PNLIPRP3: variants seen among roughly 807,000 people sequenced by gnomAD.
PNLIPRP3 encodes the protein pancreatic lipase related protein 3.
Under a neutral mutation model 52.8 loss-of-function variants are expected in PNLIPRP3, and 58 were observed. The observed-to-expected ratio is 1.10, with a 90% CI of 0.89 to 1.37. The LOEUF (loss-of-function observed/expected upper bound fraction) is 1.37. PNLIPRP3 is among the 40% of genes most tolerant of loss of function. The pLI is 0.00. For missense variants in PNLIPRP3, 593 were observed against 561.6 expected, an observed-to-expected ratio of 1.06 and a Z score of -0.57; for synonymous variants, 192 against 185.0, an observed-to-expected ratio of 1.04 and a Z score of -0.31.
At chr10:116,457,619 A>T (rs1732778607) in intron 5 of PNLIPRP3, among the ~76,000 whole-genome samples, 1 of 152,064 alleles carries the variant, frequency 6.6e-6, no homozygotes, top group African/African-American at 2.4e-5. Flanking sequence ...TTTTCACTGA[A>T]GTCATTATGT....
At chr10:116,441,850 G>C (rs1353135587) in intron 2 of PNLIPRP3, among the ~76,000 whole-genome samples, 1 of 152,102 alleles carries the variant, frequency 6.6e-6, no homozygotes, top group Non-Finnish European at 1.5e-5. Flanking sequence ...AGTTAAATGA[G>C]CTACTCTATA....
At chr10:116,429,364 T>C (rs1208889551) in intron 1 of PNLIPRP3, among the ~76,000 whole-genome samples, 1 of 152,194 alleles carries the variant, frequency 6.6e-6, no homozygotes, top group East Asian at 1.9e-4. Context: ...CCAAGCGTTT[T>C]GGATAAGGGA....
At chr10:116,447,806 G>A (rs535349414) in intron 4 of PNLIPRP3, among the ~76,000 whole-genome samples, 19 of 151,968 alleles carry the variant, frequency 1.3e-4, no homozygotes, top group South Asian at 2.1e-4. Context: ...TCATGGTGGC[G>A]CGCACCTGTA....
At chr10:116,459,171 T>C (rs1846155956) in intron 5 of PNLIPRP3, among the ~76,000 whole-genome samples, 1 of 152,076 alleles carries the variant, frequency 6.6e-6, no homozygotes, top group South Asian at 2.1e-4. Context: ...TTTCTTTTCT[T>C]TTGCCTTTGC....
At chr10:116,440,238 A>G (rs1276864352) in intron 2 of PNLIPRP3, among the ~76,000 whole-genome samples, 1 of 152,140 alleles carries the variant, frequency 6.6e-6, no homozygotes, top group Non-Finnish European at 1.5e-5. Context: ...ATCCTTTTAT[A>G]TAAGTGGCCA....
intron 3 of PNLIPRP3, among the ~76,000 whole-genome samples, chr10:116,444,165 C>A (rs906048711): frequency 7.9e-5 from 12 of 151,942 alleles, no homozygotes; most frequent in Non-Finnish European, 1.5e-4. Context: ...GGGGAAACCA[C>A]CCCCATGAAT....
rs941747503 is a variant in PNLIPRP3, at chr10:116,444,314, A to G, written c.325-68A>G. 7 of 1,332,016 alleles carry G rather than the reference A, an allele frequency of 5.3e-6. No individual in the cohort carries two copies. In the African/African-American group the frequency reaches 8.9e-5, roughly 17 times the overall value. 82.5% of individuals were successfully genotyped at this position (1,332,016 alleles called of 1,614,324 possible). ...TAGTATAATTTCTTATTATGGAATC[A>G]AGTGTTGAGACACGTCGGTTTCCTT... On this transcript the variant is annotated intron_variant, in intron 3 of 11. Coordinates refer to ENST00000369230, the MANE Select transcript of PNLIPRP3 (RefSeq NM_001011709.3).
In PNLIPRP3 at chr10:116,461,206, TA is replaced by T. The variant is rs1331433905; in HGVS notation, c.725del (p.Tyr242SerfsTer14). On this transcript the variant is annotated frameshift_variant, in exon 7 of 12. Coordinates refer to ENST00000369230, the MANE Select transcript of PNLIPRP3 (RefSeq NM_001011709.3). LOFTEE classifies it high-confidence loss of function. ...TIDACGHLDF[Y>X]PNGGKHMPGC... The stretch of plus-strand genomic sequence containing the variant: ...TGATGCTTGTGGTCATCTTGACTTT[TA>T]CCCAAATGGAGGGAAGCACATGCCA... 1.2e-6 allele frequency: 2 copies of T among 1,614,076 alleles called. No individual in the cohort carries two copies. The highest frequency in any genetic ancestry group is 1.7e-6 in the Non-Finnish European group (2 of 1,180,010).
At chr10:116,436,251 T>C (rs1845771568) in intron 1 of PNLIPRP3, among the ~76,000 whole-genome samples, 1 of 130,698 alleles carries the variant, frequency 7.7e-6, no homozygotes, top group Non-Finnish European at 1.7e-5. Context: ...AATGAGGAAA[T>C]GATAGGTTTG....
intron 1 of PNLIPRP3, among the ~76,000 whole-genome samples, chr10:116,431,569 A>T (rs1463974688): frequency 6.6e-6 from 1 of 152,224 alleles, no homozygotes; most frequent in Non-Finnish European, 1.5e-5. Context: ...ATGTAGTAAA[A>T]TACATGACTA....
intron 4 of PNLIPRP3, among the ~76,000 whole-genome samples, chr10:116,452,251 C>T (rs1368958085): frequency 6.6e-6 from 1 of 152,194 alleles, no homozygotes; most frequent in Non-Finnish European, 1.5e-5. Context: ...GACCTGGCTG[C>T]TTCTAACAAT....
At chr10:116,453,948 C>T (rs1227893021) in intron 4 of PNLIPRP3, among the ~76,000 whole-genome samples, 1 of 152,090 alleles carries the variant, frequency 6.6e-6, no homozygotes, top group Non-Finnish European at 1.5e-5. Context: ...TCCCCCACCC[C>T]CAACAGGCCG....
intron 2 of PNLIPRP3, among the ~76,000 whole-genome samples, chr10:116,437,263 CA>C (rs1238435773): frequency 6.6e-6 from 1 of 152,112 alleles, no homozygotes; most frequent in Admixed American, 6.5e-5. Flanking sequence ...TCTTGCAACA[CA>C]AATTATGATC....
At chr10:116,429,688 G>T (rs144990223) in intron 1 of PNLIPRP3, among the ~76,000 whole-genome samples, 1 of 152,180 alleles carries the variant, frequency 6.6e-6, no homozygotes, top group African/African-American at 2.4e-5. Flanking sequence ...AGTCCTAATT[G>T]AGTGCTGAAA....
At chr10:116,451,747 A>T (rs898738313) in intron 4 of PNLIPRP3, among the ~76,000 whole-genome samples, 1 of 152,218 alleles carries the variant, frequency 6.6e-6, no homozygotes, top group Non-Finnish European at 1.5e-5. Flanking sequence ...TGCTTTATGT[A>T]TAGCCTACAG....
chr10:116,445,164 T>C (rs568524584), intron 4 of PNLIPRP3, among the ~76,000 whole-genome samples: 1 of 152,236 alleles, frequency 6.6e-6, no homozygotes, highest in East Asian at 1.9e-4. Flanking sequence ...CTGCACTTAC[T>C]GTGGGCTAGG....
chr10:116,428,974 A>G (rs1195034619), intron 1 of PNLIPRP3, among the ~76,000 whole-genome samples: 1 of 152,062 alleles, frequency 6.6e-6, no homozygotes, highest in Non-Finnish European at 1.5e-5. Context: ...CAAGTACTTA[A>G]CCTTTCTAAG....
intron 9 of PNLIPRP3, among the ~76,000 whole-genome samples, chr10:116,470,179 C>T (rs1293235968): frequency 2.6e-5 from 4 of 151,886 alleles, no homozygotes; most frequent in Admixed American, 1.3e-4. Flanking sequence ...CTCCATGTTA[C>T]GTTGGAGCTG....
Position 116,471,822 on chromosome 10 carries a change from C to T in PNLIPRP3, c.1115C>T (p.Thr372Ile). 4 of 1,612,088 alleles carry T rather than the reference C, an allele frequency of 2.5e-6. No individual in the cohort carries two copies. Among genetic ancestry groups the T allele is most frequent in the South Asian group, 1.1e-5 (1 of 90,848 alleles). ...KLSGSEVTQG[T>I]VFLRVGGAVR... is the part of the protein sequence containing the mutation. ...AGTGGAAGCGAAGTCACTCAAGGAA[C>T]TGTCTTTCTTCGTGTAGGCGGGGCA... is the stretch of plus-strand genomic sequence containing the variant. Residue 372 changes from threonine to isoleucine, a missense_variant, in exon 10 of 12, where the codon ACT becomes ATT. Physicochemically the swap from Thr to Ile is moderately conservative, Grantham distance 89. Transcript: ENST00000369230.
Sources: allele counts gnomAD v4.1 joint callset (sites outside exome capture counted in the v4.1 genomes callset), GRCh38; gene constraint gnomAD v4.1.1; transcripts MANE v1.5; gene names NCBI Gene and HGNC (gene_info 2026-07-23, HGNC 2026-07-21).